Variants in ATG7 observed in about 807,000 individuals in gnomAD.
ATG7 encodes the protein ubiquitin-like modifier-activating enzyme ATG7.
A neutral mutation model predicts 82.4 loss-of-function variants in ATG7; 70 were observed. That is an observed-to-expected ratio of 0.85 (90% CI 0.70 to 1.04). The LOEUF is 1.04. Among genes scored for constraint, ATG7 ranks in the 50% least tolerant of loss-of-function variants. ATG7 has a pLI of 0.00. For missense variants in ATG7, 792 were observed against 864.3 expected (o/e 0.92, Z 1.05); for synonymous variants, 287 against 313.0 (o/e 0.92, Z 0.88).
intron 20 of ATG7, among the ~76,000 whole-genome samples, chr3:11,433,540 A>G (rs2083102128): frequency 6.6e-6 from 1 of 152,170 alleles, no homozygotes; most frequent in Non-Finnish European, 1.5e-5. Context: ...GATAAGACTA[A>G]TTTATAAGAG....
At chr3:11,456,150 C>T (rs2085688843) in intron 20 of ATG7, among the ~76,000 whole-genome samples, 1 of 152,198 alleles carries the variant, frequency 6.6e-6, no homozygotes, top group South Asian at 2.1e-4. Flanking sequence ...TCACACCACC[C>T]TCTGGCCCCC....
At chr3:11,326,029 A>G (rs1325645981) in intron 9 of ATG7, among the ~76,000 whole-genome samples, 18 of 152,150 alleles carry the variant, frequency 1.2e-4, no homozygotes, top group Admixed American at 5.9e-4. Context: ...CTAAAGTTCT[A>G]TGATTCTGGA....
At chr3:11,407,739 A>G (rs2080484025) in intron 19 of ATG7, among the ~76,000 whole-genome samples, 1 of 152,226 alleles carries the variant, frequency 6.6e-6, no homozygotes, top group African/African-American at 2.4e-5. Context: ...CTCTGAAGCC[A>G]TGGCATGAAC....
At chr3:11,492,386 C>G (rs1242293605) in intron 20 of ATG7, among the ~76,000 whole-genome samples, 1 of 152,212 alleles carries the variant, frequency 6.6e-6, no homozygotes, top group African/African-American at 2.4e-5. Context: ...TGAGATGAAC[C>G]CAGTACCTCA....
chr3:11,558,870 GCAGA>G (rs773248083), downstream of ATG7: 24 of 1,599,620 alleles, frequency 1.5e-5, no homozygotes, highest in Non-Finnish European at 1.7e-5. Flanking sequence ...ACAGGTGGCT[GCAGA>G]CAGACAGGCA....
In ATG7 at chr3:11,333,840, C is replaced by T. The variant is rs972662098; in HGVS notation, c.889+747C>T. On this transcript the variant is annotated intron_variant, in intron 11 of 20. Transcript: ENST00000693202. ...TTGGCTCACTGCAAGCTCCGCCTCCCGGGTTCATGCCATTCTCCTGCCTCA... is the reference window on the plus strand; with the variant it reads ...TTGGCTCACTGCAAGCTCCGCCTCCTGGGTTCATGCCATTCTCCTGCCTCA... Among the ~76,000 whole-genome samples, 43 of 151,538 alleles carry T rather than the reference C, an allele frequency of 2.8e-4. 1 individual carries two copies. The highest frequency in any genetic ancestry group is 8.4e-4 in the South Asian group (4 of 4,776).
intron 20 of ATG7, among the ~76,000 whole-genome samples, chr3:11,539,517 TCTAA>T (rs61074517): frequency 0.76 from 115,904 of 151,852 alleles, 44,612 homozygotes; most frequent in East Asian, 0.92. Flanking sequence ...AAATAAGACC[TCTAA>T]CTAAATGAGT....
intron 5 of ATG7, among the ~76,000 whole-genome samples, chr3:11,303,917 CAAA>C (rs55893689): frequency 9.2e-5 from 7 of 75,890 alleles, no homozygotes; most frequent in South Asian, 5.2e-4. Context: ...ACTAAAAATG[CAAA>C]AAAAAAAAAA....
chr3:11,484,114 C>A (rs1015955276), intron 20 of ATG7, among the ~76,000 whole-genome samples: 1 of 152,184 alleles, frequency 6.6e-6, no homozygotes, highest in East Asian at 1.9e-4. Context: ...AGTCTTCAGG[C>A]TGGGCACAGT....
intron 20 of ATG7, among the ~76,000 whole-genome samples, chr3:11,552,946 A>G (rs2071952935): frequency 6.6e-6 from 1 of 152,002 alleles, no homozygotes; most frequent in Non-Finnish European, 1.5e-5. Flanking sequence ...TATAAAGCCC[A>G]GCCCCGGCCC....
chr3:11,453,188 C>G (rs1298220724), intron 20 of ATG7, among the ~76,000 whole-genome samples: 1 of 152,164 alleles, frequency 6.6e-6, no homozygotes, highest in African/African-American at 2.4e-5. Context: ...CTGGGTTCCC[C>G]AGGTGGAGAA....
At chr3:11,552,568 G>T (rs2071906739) in intron 20 of ATG7, among the ~76,000 whole-genome samples, 1 of 152,142 alleles carries the variant, frequency 6.6e-6, no homozygotes, top group Non-Finnish European at 1.5e-5. Context: ...AATGAAGATG[G>T]CTGCTGCCCT....
chr3:11,538,739 T>A (rs1575244323), intron 20 of ATG7, among the ~76,000 whole-genome samples: 1 of 116,916 alleles, frequency 8.6e-6, no homozygotes, highest in Admixed American at 1.0e-4. Flanking sequence ...CCAGATGTGG[T>A]GGTGCAGGCC....
chr3:11,408,902 C>T (rs544454502), intron 19 of ATG7, among the ~76,000 whole-genome samples: 1 of 152,292 alleles, frequency 6.6e-6, no homozygotes, highest in South Asian at 2.1e-4. Context: ...TGTGAGCCAT[C>T]TTGCTGGCCA....
chr3:11,518,591 G>T (rs2092349673), intron 20 of ATG7, among the ~76,000 whole-genome samples: 2 of 151,816 alleles, frequency 1.3e-5, no homozygotes, highest in Non-Finnish European at 2.9e-5. Flanking sequence ...CAATCTTAGT[G>T]CAGATCACTC....
In ATG7 at chr3:11,557,432, G is replaced by A. The variant is rs1280188665; in HGVS notation, c.*2589G>A. 1 of 152,722 alleles carries A rather than the reference G, an allele frequency of 6.5e-6. No homozygotes were observed. The highest frequency in any genetic ancestry group is 1.9e-4 in the East Asian group (1 of 5,318). 9.5% of individuals were successfully genotyped at this position (152,722 alleles called of 1,614,324 possible). A position where few individuals can be genotyped will look rare whatever the true frequency, so the allele number is the denominator to read the frequency against. On this transcript the variant is annotated 3_prime_UTR_variant, in exon 21 of 21. Coordinates refer to ENST00000693202, the MANE Select transcript of ATG7 (RefSeq NM_001349232.2). ...GACACAAACCCCACCTCCCCTGGGA[G>A]CTTGTAACAAAGCAGACAGGGATGC...
chr3:11,399,630 A>C (rs1246332561), intron 19 of ATG7, among the ~76,000 whole-genome samples: 1 of 151,590 alleles, frequency 6.6e-6, no homozygotes, highest in African/African-American at 2.4e-5. Flanking sequence ...GCTAGAGTGC[A>C]GTGACACAAT....
chr3:11,458,913 TA>T (rs763010729), intron 20 of ATG7, among the ~76,000 whole-genome samples: 3 of 152,072 alleles, frequency 2.0e-5, no homozygotes, highest in Non-Finnish European at 2.9e-5. Context: ...TAGATTCTCA[TA>T]GGGGCGGGAA....
Position 11,429,632 on chromosome 3 carries a change from G to C in ATG7, c.2079+2706G>C, listed in dbSNP as rs138014414. ...AGCAAAGTTTATAGATAATGCACTT[G>C]ATATAAAATTTAAAGGTATTACGAA... On this transcript the variant is annotated intron_variant, in intron 20 of 20. Coordinates refer to ENST00000693202, the MANE Select transcript of ATG7 (RefSeq NM_001349232.2). Among the ~76,000 whole-genome samples the C allele has an allele frequency of 3.0e-3, 450 of 152,030 alleles. 1 individual carries two copies. The highest frequency in any genetic ancestry group is 0.01 in the African/African-American group (429 of 41,470).
Sources: gnomAD v4.1 joint callset for allele counts (sites outside exome capture counted in the v4.1 genomes callset) on GRCh38, gnomAD v4.1.1 for gene constraint, MANE v1.5 for transcripts, NCBI Gene and HGNC (gene_info 2026-07-23, HGNC 2026-07-21) for gene names.